RIC1: variants seen among roughly 807,000 people sequenced by gnomAD.
RIC1 encodes RIC1 partner of RAB6A GEF complex.
A neutral mutation model predicts 169.0 loss-of-function variants in RIC1; 88 were observed. The ratio of observed to expected loss-of-function variants is 0.52; its 90% CI spans 0.44 to 0.62. The LOEUF is 0.62. RIC1 is among the 20% of genes least tolerant of loss of function. The pLI is 0.00. For synonymous variants in RIC1, 790 were observed against 601.5 expected (o/e 1.31, Z -4.59); for missense variants, 1,877 against 1,725.5 (o/e 1.09, Z -1.56).
intron 8 of RIC1, among the ~76,000 whole-genome samples, chr9:5,738,997 A>C (rs1446446805): frequency 6.6e-6 from 1 of 152,110 alleles, no homozygotes; most frequent in Non-Finnish European, 1.5e-5. Flanking sequence ...TAAATTTTGT[A>C]GTTGAGTGAC....
intron 2 of RIC1, among the ~76,000 whole-genome samples, chr9:5,683,042 G>A (rs973616080): frequency 2.6e-5 from 4 of 151,958 alleles, no homozygotes; most frequent in Non-Finnish European, 4.4e-5. Context: ...TCTCTCCATT[G>A]GTTATTCTAG....
At chr9:5,732,965 A>G (rs1374153136) in intron 7 of RIC1, among the ~76,000 whole-genome samples, 5 of 152,184 alleles carry the variant, frequency 3.3e-5, no homozygotes, top group East Asian at 3.8e-4. Flanking sequence ...TATTTATTCA[A>G]CAAGTATCTG....
intron 10 of RIC1, among the ~76,000 whole-genome samples, chr9:5,745,271 C>T (rs1197032541): frequency 6.6e-6 from 1 of 152,094 alleles, no homozygotes; most frequent in Non-Finnish European, 1.5e-5. Flanking sequence ...GCTACCCCTG[C>T]CCCTTCACCA....
rs192995119 is a variant in RIC1 at position 5,704,271 on chromosome 9, C to T, written c.333-9625C>T. Among the ~76,000 whole-genome samples the T allele has an allele frequency of 7.8e-3, 1,186 of 151,610 alleles. 23 individuals carry two copies. Among genetic ancestry groups the T allele is most frequent in the African/African-American group, 0.028 (1,142 of 41,316 alleles). On this transcript the variant is annotated intron_variant, in intron 3 of 25. Coordinates refer to ENST00000414202, the MANE Select transcript of RIC1 (RefSeq NM_020829.4). ...TCTTGCTCTGTCTTCCAGGCAGTGT[C>T]ACAATCATAGCTCACTGCATCCTTG...
At position 5,720,584 on chromosome 9, in the gene RIC1, C is replaced by A. The variant is rs1050550845; in HGVS notation, c.584-30C>A. On this transcript the variant is annotated intron_variant, in intron 5 of 25. Transcript: ENST00000414202. ...GAGAGTAATTTATTATATTCTTAATCCTATTTCATGTGCTTATTTTTTTCA... is the reference window on the plus strand; with the variant it reads ...GAGAGTAATTTATTATATTCTTAATACTATTTCATGTGCTTATTTTTTTCA... 7.1e-6 allele frequency: 11 copies of A among 1,560,224 alleles called. No homozygotes were observed. The African/African-American group carries it at 1.4e-4, about 20-fold the overall frequency.
intron 3 of RIC1, among the ~76,000 whole-genome samples, chr9:5,705,192 GTT>G (rs35035828): frequency 1.8e-3 from 202 of 113,382 alleles, no homozygotes; most frequent in African/African-American, 5.9e-3. Context: ...TCCCATTTCT[GTT>G]TTTTTTTTTT....
intron 4 of RIC1, 103 bp downstream of exon 4, chr9:5,714,106 A>G: frequency 1.5e-6 from 1 of 660,450 alleles, no homozygotes; most frequent in East Asian, 3.0e-5. Context: ...CTTTTAATTC[A>G]AGATAACTTC....
intron 4 of RIC1, among the ~76,000 whole-genome samples, chr9:5,717,760 C>G (rs1309183884): frequency 6.9e-6 from 1 of 143,892 alleles, no homozygotes; most frequent in Non-Finnish European, 1.5e-5. Flanking sequence ...CAGGAGAATC[C>G]CGGGAGGCGG....
chr9:5,641,281 T>C (rs1188747332), intron 1 of RIC1, among the ~76,000 whole-genome samples: 1 of 151,768 alleles, frequency 6.6e-6, no homozygotes, highest in East Asian at 1.9e-4. Flanking sequence ...TTAGTAGAGA[T>C]GGGGTTTCAC....
rs546655505 is a variant in RIC1, at chr9:5,657,241, T to C, written c.252+551T>C. Among the ~76,000 whole-genome samples the C allele has an allele frequency of 2.0e-5, 3 of 152,160 alleles. No individual in the cohort carries two copies. The South Asian group carries it at 6.2e-4, about 31-fold the overall frequency. ...CATATGTTATACTAAAATTTCCATATCCATTTGGATCTGTTTCTCCTTTTT... is the reference window on the plus strand; with the variant it reads ...CATATGTTATACTAAAATTTCCATACCCATTTGGATCTGTTTCTCCTTTTT... On this transcript the variant is annotated intron_variant, in intron 2 of 25. Coordinates refer to ENST00000414202, the MANE Select transcript of RIC1 (RefSeq NM_020829.4).
At chr9:5,772,817 C>G in intron 24 of RIC1, 75 bp from the exon 25 acceptor site, 1 of 1,549,784 alleles carries the variant, frequency 6.5e-7, no homozygotes, top group Non-Finnish European at 8.8e-7. Context: ...GGCTACTCTC[C>G]TAATAATCAT....
chr9:5,774,443 T>TA lies in RIC1; in HGVS notation c.*204dup, dbSNP rs1166799358. ...AAAATGTGATATAAAGCATCTTTCATAAAAAAATTTTAAGCTGCAGTGAAA... is the reference window on the plus strand; with the variant it reads ...AAAATGTGATATAAAGCATCTTTCATAAAAAAAATTTTAAGCTGCAGTGAAA... On this transcript the variant is annotated 3_prime_UTR_variant, in exon 26 of 26. Coordinates refer to ENST00000414202, the MANE Select transcript of RIC1 (RefSeq NM_020829.4). The TA allele has an allele frequency of 4.2e-6, 2 of 473,896 alleles. No homozygotes were observed. Among genetic ancestry groups the TA allele is most frequent in the African/African-American group, 1.9e-5 (1 of 51,820 alleles). The allele number at this position is 473,896 out of a possible 1,614,324, so 29.4% of individuals were successfully genotyped here.
intron 19 of RIC1, among the ~76,000 whole-genome samples, chr9:5,764,301 G>C (rs1392168096): frequency 6.6e-6 from 1 of 152,190 alleles, no homozygotes; most frequent in Admixed American, 6.5e-5. Context: ...GTGGGTTACT[G>C]AGGGGACACT....
At chr9:5,683,659 A>G (rs552238969) in intron 2 of RIC1, among the ~76,000 whole-genome samples, 16 of 152,144 alleles carry the variant, frequency 1.1e-4, no homozygotes, top group Admixed American at 7.9e-4. Context: ...GAGAGCCACT[A>G]CCCTCTTCAA....
intron 6 of RIC1, among the ~76,000 whole-genome samples, chr9:5,722,356 T>A (rs201372998): frequency 0.01 from 1,048 of 101,218 alleles, 5 homozygotes; most frequent in Non-Finnish European, 0.015. Context: ...AGAGTGTGTG[T>A]GTGTGTGTGT....
chr9:5,778,359 C>T (rs1401310403), downstream of RIC1, among the ~76,000 whole-genome samples: 2 of 152,168 alleles, frequency 1.3e-5, no homozygotes, highest in African/African-American at 4.8e-5. Context: ...TTGAACTCTT[C>T]CTTTTCAATC....
intron 21 of RIC1, among the ~76,000 whole-genome samples, chr9:5,768,515 G>T (rs1002709966): frequency 6.6e-6 from 1 of 152,060 alleles, no homozygotes; most frequent in African/African-American, 2.4e-5. Flanking sequence ...GTGACATTGT[G>T]AAACCTTGTC....
chr9:5,674,188 T>C (rs1420534544), intron 2 of RIC1, among the ~76,000 whole-genome samples: 2 of 152,158 alleles, frequency 1.3e-5, no homozygotes, highest in Non-Finnish European at 2.9e-5. Flanking sequence ...GTGAAACTAT[T>C]GGCAGTTTAT....
chr9:5,767,972 CTA>C (rs1826910549), intron 21 of RIC1, among the ~76,000 whole-genome samples: 1 of 152,168 alleles, frequency 6.6e-6, no homozygotes, highest in Non-Finnish European at 1.5e-5. Flanking sequence ...TTAAACAACT[CTA>C]TGAGGGTTAT....
Sources: gnomAD v4.1 joint callset for allele counts (sites outside exome capture counted in the v4.1 genomes callset) on GRCh38, gnomAD v4.1.1 for gene constraint, MANE v1.5 for transcripts, NCBI Gene and HGNC (gene_info 2026-07-23, HGNC 2026-07-21) for gene names.